The following EPHA3 variants were observed in gnomAD, a reference collection of about 807,000 sequenced individuals.
EPHA3 encodes the protein ephrin type-A receptor 3.
In EPHA3, 42 loss-of-function variants were observed where a neutral mutation model predicts 107.1. The observed-to-expected ratio is 0.39, with a 90% CI of 0.31 to 0.51. The LOEUF is 0.51. EPHA3 is among the 20% of genes least tolerant of loss of function. The probability of loss-of-function intolerance (pLI) is 0.78; values close to 1 mark genes in which losing one functional copy is unlikely to be tolerated. For synonymous variants in EPHA3, 461 were observed against 424.8 expected, an observed-to-expected ratio of 1.09 and a Z score of -1.05; for missense variants, 1,183 against 1,211.2, an observed-to-expected ratio of 0.98 and a Z score of 0.35.
intron 2 of EPHA3, among the ~76,000 whole-genome samples, chr3:89,156,328 A>G (rs1704806019): frequency 6.6e-6 from 1 of 152,114 alleles, no homozygotes; most frequent in Admixed American, 6.6e-5. Flanking sequence ...GGACTTCCTT[A>G]TACTAAACAA....
intron 3 of EPHA3, among the ~76,000 whole-genome samples, chr3:89,267,043 A>C (rs1429750149): frequency 2.0e-5 from 3 of 152,090 alleles, no homozygotes. Context: ...GCTTGGATGC[A>C]TTTTTCCTCA....
At chr3:89,303,574 A>G (rs1162399824) in intron 3 of EPHA3, among the ~76,000 whole-genome samples, 1 of 151,996 alleles carries the variant, frequency 6.6e-6, no homozygotes, top group African/African-American at 2.4e-5. Flanking sequence ...ATTCCTACAC[A>G]TGAGTCAAAA....
At chr3:89,185,006 TC>T (rs1559590141) in intron 2 of EPHA3, among the ~76,000 whole-genome samples, 1 of 152,028 alleles carries the variant, frequency 6.6e-6, no homozygotes, top group South Asian at 2.1e-4. Flanking sequence ...GGTGCTTTTC[TC>T]CCCCTGCTGT....
At chr3:89,383,975 G>A (rs1245727447) in intron 5 of EPHA3, among the ~76,000 whole-genome samples, 1 of 151,828 alleles carries the variant, frequency 6.6e-6, no homozygotes, top group Non-Finnish European at 1.5e-5. Flanking sequence ...TCTGAAATTT[G>A]TTCTGCATTG....
chr3:89,354,167 A>G (rs1336947818), intron 5 of EPHA3, among the ~76,000 whole-genome samples: 2 of 151,432 alleles, frequency 1.3e-5, no homozygotes, highest in Non-Finnish European at 3.0e-5. Context: ...TCAAATCACA[A>G]TAAAATCATA....
chr3:89,480,926 C>T lies in EPHA3; in HGVS notation c.*1424C>T, dbSNP rs1213069849. The T allele has an allele frequency of 2.2e-5, 5 of 231,816 alleles. No homozygotes were observed. Among genetic ancestry groups the T allele is most frequent in the Non-Finnish European group, 4.3e-5 (5 of 117,078 alleles). 14.4% of individuals were successfully genotyped at this position (231,816 alleles called of 1,614,324 possible). On this transcript the variant is annotated 3_prime_UTR_variant, in exon 17 of 17. Transcript: ENST00000336596. ...TAGCAACCGCCTCAAAATGTGTAAGCAGGAGAGAAATTTCTCATCACAGGG... is the reference window on the plus strand; with the variant it reads ...TAGCAACCGCCTCAAAATGTGTAAGTAGGAGAGAAATTTCTCATCACAGGG...
At chr3:89,404,310 A>G (rs1389046235) in intron 7 of EPHA3, among the ~76,000 whole-genome samples, 2 of 152,198 alleles carry the variant, frequency 1.3e-5, no homozygotes, top group Non-Finnish European at 2.9e-5. Flanking sequence ...CAATTGTAAC[A>G]TTTATTGAGC....
At chr3:89,281,774 C>G (rs781523205) in intron 3 of EPHA3, among the ~76,000 whole-genome samples, 1 of 151,984 alleles carries the variant, frequency 6.6e-6, no homozygotes, top group Non-Finnish European at 1.5e-5. Flanking sequence ...ATCTTGTGTC[C>G]CCTGAAACTC....
chr3:89,459,546 C>G (rs1008272037), intron 15 of EPHA3, among the ~76,000 whole-genome samples: 2 of 150,306 alleles, frequency 1.3e-5, no homozygotes, highest in African/African-American at 4.9e-5. Flanking sequence ...TTCTTCCTTT[C>G]TTTCTTTCTT....
intron 3 of EPHA3, among the ~76,000 whole-genome samples, chr3:89,234,052 T>G (rs1704696460): frequency 1.3e-5 from 2 of 152,176 alleles, no homozygotes; most frequent in Non-Finnish European, 1.5e-5. Context: ...TAGTTACACC[T>G]TTTAGAGTTT....
intron 3 of EPHA3, among the ~76,000 whole-genome samples, chr3:89,235,806 T>G (rs2107233844): frequency 6.6e-6 from 1 of 151,906 alleles, no homozygotes; most frequent in African/African-American, 2.4e-5. Flanking sequence ...TTATACATTT[T>G]AAGAAAGTAA....
At chr3:89,124,269 T>C (rs1704040979) in intron 1 of EPHA3, among the ~76,000 whole-genome samples, 1 of 152,186 alleles carries the variant, frequency 6.6e-6, no homozygotes, top group African/African-American at 2.4e-5. Context: ...TGTATTGCAA[T>C]GTTACATTGA....
chr3:89,251,843 A>G (rs1705173413), intron 3 of EPHA3, among the ~76,000 whole-genome samples: 4 of 152,292 alleles, frequency 2.6e-5, no homozygotes, highest in Admixed American at 2.0e-4. Context: ...ATTCGATTTA[A>G]TAGAAAAATA....
chr3:89,133,518 T>G (rs1466881427), intron 2 of EPHA3, among the ~76,000 whole-genome samples: 2 of 152,222 alleles, frequency 1.3e-5, no homozygotes, highest in African/African-American at 2.4e-5. Flanking sequence ...TTCTGCATCC[T>G]GCTAGTTGTG....
intron 2 of EPHA3, among the ~76,000 whole-genome samples, chr3:89,167,358 A>T (rs1705096306): frequency 6.6e-6 from 1 of 152,132 alleles, no homozygotes; most frequent in Admixed American, 6.6e-5. Flanking sequence ...ATTCTCTTTA[A>T]TATTTTCTAT....
intron 1 of EPHA3, among the ~76,000 whole-genome samples, chr3:89,113,515 AGG>A (rs1707170745): frequency 1.5e-5 from 2 of 131,088 alleles, no homozygotes; most frequent in African/African-American, 2.7e-5. Flanking sequence ...AAAAAAAAAG[AGG>A]GGAGGGTGGT....
At chr3:89,191,843 T>C (rs1385903827) in intron 2 of EPHA3, among the ~76,000 whole-genome samples, 1 of 152,176 alleles carries the variant, frequency 6.6e-6, no homozygotes, top group African/African-American at 2.4e-5. Flanking sequence ...CATTTTTCTT[T>C]ATCAGCTTCT....
At chr3:89,218,316 G>T (rs1704268678) in intron 3 of EPHA3, among the ~76,000 whole-genome samples, 1 of 126,768 alleles carries the variant, frequency 7.9e-6, no homozygotes, top group African/African-American at 3.1e-5. Flanking sequence ...ACAGTCCCTG[G>T]TGTGTGATGT....
intron 3 of EPHA3, among the ~76,000 whole-genome samples, chr3:89,256,244 C>A (rs1219787851): frequency 1.3e-5 from 2 of 151,260 alleles, no homozygotes; most frequent in Admixed American, 1.3e-4. Context: ...GAGTGAGACT[C>A]TCTCTCAAAA....
Sources: allele counts gnomAD v4.1 joint callset (sites outside exome capture counted in the v4.1 genomes callset), GRCh38; gene constraint gnomAD v4.1.1; transcripts MANE v1.5; gene names NCBI Gene and HGNC (gene_info 2026-07-23, HGNC 2026-07-21).